ZBBX: variants seen among roughly 807,000 people sequenced by gnomAD.
The protein encoded by ZBBX is zinc finger B-box domain containing.
In ZBBX, 101 loss-of-function variants were observed where a neutral mutation model predicts 108.5. That is an observed-to-expected ratio of 0.93 (90% CI 0.79 to 1.10). ZBBX has a LOEUF of 1.10. Among genes scored for constraint, ZBBX ranks in the 50% least tolerant of loss-of-function variants. The pLI is 0.00. For missense variants in ZBBX, 1,009 were observed against 941.4 expected (o/e 1.07, Z -0.94); for synonymous variants, 356 against 323.4 (o/e 1.10, Z -1.08).
chr3:167,290,423 T>C (rs1576905554), intron 18 of ZBBX, among the ~76,000 whole-genome samples: 1 of 152,016 alleles, frequency 6.6e-6, no homozygotes, highest in South Asian at 2.1e-4. Context: ...GGGTCTAGAG[T>C]GGAACTCCAG....
At position 167,274,887 on chromosome 3, in the gene ZBBX, C is replaced by T. The variant is rs138865472; in HGVS notation, c.2254+7351G>A. ...TAAGGATATAAAAACCCCCTGGTGT[C>T]CTTTGTTCAGTGTGCACTTGTGACC... On this transcript the variant is annotated intron_variant, in intron 20 of 21. Coordinates refer to ENST00000675490, the MANE Select transcript of ZBBX (RefSeq NM_001199201.2). 1.9e-4 allele frequency among the ~76,000 whole-genome samples: 29 copies of T among 152,274 alleles called. No homozygotes were observed. The East Asian group carries it at 5.2e-3, about 27-fold the overall frequency.
the ZBBX span, among the ~76,000 whole-genome samples, chr3:167,180,441 T>C: frequency 1.3e-5 from 2 of 152,340 alleles, no homozygotes; most frequent in African/African-American, 4.8e-5. Context: ...CTAACATTCC[T>C]AAGTAGGAGT....
chr3:167,263,032 GTTCTT>G lies in ZBBX; in HGVS notation c.2254+19201_2254+19205del, dbSNP rs1478350231. On this transcript the variant is annotated intron_variant, in intron 20 of 21. Transcript: ENST00000675490. ...GGTTTGGTTTGTGCTTGCTTTTCTAGTTCTTTTTTTTTTTTTTTTTTTTGAGATGG... is the reference window on the plus strand; with the variant it reads ...GGTTTGGTTTGTGCTTGCTTTTCTAGTTTTTTTTTTTTTTTTTTGAGATGG... 9.8e-4 allele frequency among the ~76,000 whole-genome samples: 109 copies of G among 111,054 alleles called. 1 individual carries two copies. Among genetic ancestry groups the G allele is most frequent in the Middle Eastern group, 6.0e-3 (1 of 166 alleles). 72.9% of individuals were successfully genotyped at this position (111,054 alleles called of 152,430 possible). A position where few individuals can be genotyped will look rare whatever the true frequency, so the allele number is the denominator to read the frequency against.
At chr3:167,268,407 C>A (rs865885592) in intron 20 of ZBBX, among the ~76,000 whole-genome samples, 8 of 151,964 alleles carry the variant, frequency 5.3e-5, no homozygotes, top group South Asian at 2.1e-4. Flanking sequence ...GACGTTCCTA[C>A]CGCAGATCAA....
chr3:167,242,400 T>C (rs1576751478), intron 21 of ZBBX, 105 bp downstream of exon 21: 3 of 964,576 alleles, frequency 3.1e-6, no homozygotes, highest in East Asian at 2.5e-5. Context: ...ATATAAAGTA[T>C]ACACATGAGG....
intron 9 of ZBBX, among the ~76,000 whole-genome samples, chr3:167,339,725 G>T (rs1460830522): frequency 1.3e-5 from 2 of 152,024 alleles, no homozygotes; most frequent in African/African-American, 4.8e-5. Flanking sequence ...ATAGGTGTAC[G>T]TGTGCCATGG....
chr3:167,213,856 G>A, the ZBBX span, among the ~76,000 whole-genome samples: 1 of 152,066 alleles, frequency 6.6e-6, no homozygotes, highest in South Asian at 2.1e-4. Flanking sequence ...TTATAAGCCA[G>A]AAGAGACTGA....
chr3:167,340,732 T>C (rs1251924351), intron 9 of ZBBX, among the ~76,000 whole-genome samples: 2 of 151,810 alleles, frequency 1.3e-5, no homozygotes, highest in East Asian at 3.9e-4. Context: ...GGAGTAAACT[T>C]TGGGCCAACT....
At chr3:167,367,356 G>A (rs1745472316) in intron 5 of ZBBX, among the ~76,000 whole-genome samples, 1 of 151,764 alleles carries the variant, frequency 6.6e-6, no homozygotes, top group African/African-American at 2.4e-5. Context: ...GAAAATACAT[G>A]AAGAAGCATG....
the ZBBX span, among the ~76,000 whole-genome samples, chr3:167,187,492 T>A: frequency 8.5e-5 from 13 of 152,204 alleles, no homozygotes; most frequent in Non-Finnish European, 1.6e-4. Flanking sequence ...TGGTAATTTG[T>A]GACTGACATT....
chr3:167,336,381 T>A (rs1381713209), intron 9 of ZBBX, among the ~76,000 whole-genome samples: 1 of 152,152 alleles, frequency 6.6e-6, no homozygotes, highest in Non-Finnish European at 1.5e-5. Context: ...ATCAATACAA[T>A]GCAAATAAAT....
At chr3:167,348,372 A>AAAGAAAGAAAGAAAG (rs1560163843) in intron 9 of ZBBX, among the ~76,000 whole-genome samples, 27 of 104,814 alleles carry the variant, frequency 2.6e-4, no homozygotes, top group Middle Eastern at 5.0e-3. Flanking sequence ...AAGAAAGAAA[A>AAAGAAAGAAAGAAAG]AAAAGAAAAG....
chr3:167,339,796 T>A (rs895994284), intron 9 of ZBBX, among the ~76,000 whole-genome samples: 3 of 152,110 alleles, frequency 2.0e-5, no homozygotes, highest in African/African-American at 7.2e-5. Flanking sequence ...ATTAGGTATT[T>A]GTCCTAATGT....
intron 20 of ZBBX, among the ~76,000 whole-genome samples, chr3:167,259,480 T>C (rs570074310): frequency 6.6e-6 from 1 of 152,338 alleles, no homozygotes; most frequent in Admixed American, 6.5e-5. Context: ...CATTTCGTTC[T>C]GCTCTGATCT....
chr3:167,222,147 GCTAT>G, the ZBBX span, among the ~76,000 whole-genome samples: 1 of 151,178 alleles, frequency 6.6e-6, no homozygotes, highest in Non-Finnish European at 1.5e-5. Context: ...AGATTTGAAA[GCTAT>G]CTAAGTGTCC....
At chr3:167,191,896 C>CATACATATATATATATAT in the ZBBX span, among the ~76,000 whole-genome samples, 1 of 67,950 alleles carries the variant, frequency 1.5e-5, no homozygotes, top group African/African-American at 6.5e-5. Context: ...TTACAAAAAT[C>CATACATATATATATATAT]ATATATATAT....
intron 17 of ZBBX, among the ~76,000 whole-genome samples, chr3:167,300,864 C>T (rs1231477072): frequency 6.6e-6 from 1 of 151,412 alleles, no homozygotes; most frequent in African/African-American, 2.4e-5. Context: ...GATCCACCCA[C>T]CTCAGCCTCC....
intron 16 of ZBBX, 141 bp downstream of exon 16, chr3:167,313,833 T>C (rs1734996225): frequency 1.3e-6 from 1 of 756,972 alleles, no homozygotes; most frequent in Admixed American, 3.1e-5. Flanking sequence ...TACTAGAAAA[T>C]TATATTTTCA....
the ZBBX span, among the ~76,000 whole-genome samples, chr3:167,183,334 G>C: frequency 1.3e-5 from 2 of 152,244 alleles, no homozygotes; most frequent in East Asian, 1.9e-4. Flanking sequence ...AAGAGTACTC[G>C]GGTGTCCTCC....
Sources: gnomAD v4.1 joint callset for allele counts (sites outside exome capture counted in the v4.1 genomes callset) on GRCh38, gnomAD v4.1.1 for gene constraint, MANE v1.5 for transcripts, NCBI Gene and HGNC (gene_info 2026-07-23, HGNC 2026-07-21) for gene names.